The following LEPROTL1 variants were observed in gnomAD, a reference collection of about 807,000 sequenced individuals.
LEPROTL1 encodes the protein leptin receptor overlapping transcript like 1, also known as leptin receptor overlapping transcript-like 1.
LEPROTL1 carries 6 observed loss-of-function variants against 15.4 expected under a neutral mutation model. The observed-to-expected ratio is 0.39, with a 90% CI of 0.21 to 0.77. The LOEUF (loss-of-function observed/expected upper bound fraction) is 0.77, where lower values mean the gene tolerates loss of function less well. Ranked by LOEUF, LEPROTL1 falls within the 30% of genes least tolerant of loss-of-function variation. The probability of loss-of-function intolerance (pLI) is 0.41; values close to 1 mark genes in which losing one functional copy is unlikely to be tolerated. For missense variants in LEPROTL1, 128 were observed against 158.1 expected, an observed-to-expected ratio of 0.81 and a Z score of 1.02; for synonymous variants, 56 against 52.6, an observed-to-expected ratio of 1.06 and a Z score of -0.28.
At chr8:30,100,329 G>A (rs962852459) in intron 1 of LEPROTL1, among the ~76,000 whole-genome samples, 5 of 152,036 alleles carry the variant, frequency 3.3e-5, no homozygotes, top group African/African-American at 1.2e-4. Context: ...CAAATCTTTC[G>A]AATTTTAACT....
intron 1 of LEPROTL1, among the ~76,000 whole-genome samples, chr8:30,099,946 C>T (rs1231205723): frequency 6.6e-6 from 1 of 152,182 alleles, no homozygotes. Flanking sequence ...GTGGGCAGGG[C>T]CCGGTCATGA....
At chr8:30,112,305 G>A (rs554883084), downstream of LEPROTL1, among the ~76,000 whole-genome samples, 12 of 149,916 alleles carry the variant, frequency 8.0e-5, no homozygotes, top group South Asian at 4.2e-4. Context: ...GTGTGATCTC[G>A]GCTCACTGCA....
intron 1 of LEPROTL1, chr8:30,095,834 C>G (rs981476934): frequency 2.9e-6 from 2 of 701,720 alleles, no homozygotes; most frequent in Non-Finnish European, 5.2e-6. Context: ...TGAGGAGTCC[C>G]GTCGCGACTT....
At chr8:30,116,252 T>A (rs1468630108) in intron 3 of LEPROTL1, among the ~76,000 whole-genome samples, 1 of 151,446 alleles carries the variant, frequency 6.6e-6, no homozygotes, top group Non-Finnish European at 1.5e-5. Context: ...AAAAAAAAAA[T>A]TGGTTGCTAC....
intron 3 of LEPROTL1, among the ~76,000 whole-genome samples, chr8:30,127,710 A>G (rs1263328610): frequency 1.4e-5 from 2 of 148,086 alleles, no homozygotes; most frequent in South Asian, 2.1e-4. Context: ...ACACACGTAT[A>G]TGTATTCTGC....
intron 3 of LEPROTL1, among the ~76,000 whole-genome samples, chr8:30,129,581 C>T (rs546133787): frequency 5.3e-5 from 8 of 151,856 alleles, no homozygotes; most frequent in South Asian, 4.2e-4. Flanking sequence ...GGCATGTGCC[C>T]GTAGTCCCAG....
chr8:30,133,765 C>T (rs1390740088), intron 4 of LEPROTL1, among the ~76,000 whole-genome samples: 2 of 130,118 alleles, frequency 1.5e-5, no homozygotes, highest in African/African-American at 5.8e-5. Flanking sequence ...CTCCAGCCTA[C>T]ACATCCAAGT....
At chr8:30,137,269 T>C (rs1353843604) in intron 4 of LEPROTL1, 3 of 1,550,848 alleles carry the variant, frequency 1.9e-6, no homozygotes, top group South Asian at 1.2e-5. Flanking sequence ...TTCTGTTTTC[T>C]AGATGGGGCG....
In LEPROTL1 at chr8:30,124,032, G is replaced by A. The variant is rs529927372; in HGVS notation, c.280-8343G>A. Among the ~76,000 whole-genome samples the A allele has an allele frequency of 4.0e-5, 6 of 151,658 alleles. No individual in the cohort carries two copies. In the South Asian group the frequency reaches 1.3e-3, roughly 32 times the overall value. On this transcript the variant is annotated intron_variant, in intron 3 of 4. Transcript: ENST00000442880. ...GCAAGGCCATTGTACCTGGAGTGCA[G>A]TGAAGAAGAAACTACCAAAACACAA...
intron 1 of LEPROTL1, among the ~76,000 whole-genome samples, chr8:30,097,642 A>G (rs1452093277): frequency 7.1e-6 from 1 of 141,790 alleles, no homozygotes; most frequent in Non-Finnish European, 1.5e-5. Context: ...ACTGCACTCC[A>G]GCCTGGGCAA....
downstream of LEPROTL1, chr8:30,108,651 T>G (rs991445405): frequency 6.6e-6 from 1 of 152,042 alleles, no homozygotes; most frequent in South Asian, 2.1e-4. Flanking sequence ...AGATTTTTTT[T>G]TTTTTTTTGA....
intron 1 of LEPROTL1, among the ~76,000 whole-genome samples, chr8:30,098,054 G>A (rs905143685): frequency 3.3e-5 from 5 of 152,142 alleles, no homozygotes; most frequent in Non-Finnish European, 5.9e-5. Flanking sequence ...TGCCTCTTGC[G>A]GAGATTACCG....
downstream of LEPROTL1, among the ~76,000 whole-genome samples, chr8:30,111,074 A>C (rs371952260): frequency 1.2e-4 from 19 of 152,332 alleles, no homozygotes; most frequent in East Asian, 3.1e-3. Context: ...TATGTCATCT[A>C]TTTGAAGATT....
In LEPROTL1 at chr8:30,113,815, A is replaced by G. The variant is rs548142317; in HGVS notation, c.279+9329A>G. On this transcript the variant is annotated intron_variant, in intron 3 of 4. Coordinates refer to the LEPROTL1 transcript ENST00000442880. ...CTGGCCGTCCAGCCAGGGGGTCTCCATGCAAAGAGGATCACCCAACAGTGC... is the reference window on the plus strand; with the variant it reads ...CTGGCCGTCCAGCCAGGGGGTCTCCGTGCAAAGAGGATCACCCAACAGTGC... 2.6e-5 allele frequency among the ~76,000 whole-genome samples: 4 copies of G among 152,280 alleles called. No homozygotes were observed. The South Asian group carries it at 8.3e-4, about 32-fold the overall frequency.
chr8:30,128,056 C>T (rs944319153), intron 3 of LEPROTL1, among the ~76,000 whole-genome samples: 1 of 151,980 alleles, frequency 6.6e-6, no homozygotes, highest in African/African-American at 2.4e-5. Flanking sequence ...GAGTTAAGAT[C>T]TAACAAAAAA....
chr8:30,095,905 A>G (rs1340308139), intron 1 of LEPROTL1: 5 of 697,478 alleles, frequency 7.2e-6, no homozygotes, highest in Non-Finnish European at 2.6e-6. Flanking sequence ...AGAGCGTGGG[A>G]TTGAGAAGGC....
At chr8:30,122,965 C>T (rs1802851452) in intron 3 of LEPROTL1, among the ~76,000 whole-genome samples, 1 of 152,116 alleles carries the variant, frequency 6.6e-6, no homozygotes, top group African/African-American at 2.4e-5. Flanking sequence ...TAATTTGGTC[C>T]TGTCTTAACA....
chr8:30,102,548 A>T (rs1802485887), intron 2 of LEPROTL1, among the ~76,000 whole-genome samples: 1 of 151,732 alleles, frequency 6.6e-6, no homozygotes, highest in Admixed American at 6.6e-5. Flanking sequence ...GGTACTCGGG[A>T]GGCTGAGGCA....
intron 1 of LEPROTL1, 64 bp from the exon 2 acceptor site, chr8:30,101,834 T>G: frequency 1.0e-6 from 1 of 974,696 alleles, no homozygotes. Flanking sequence ...ATGTTCAGAC[T>G]GCTGATATTA....
Sources: allele counts gnomAD v4.1 joint callset (sites outside exome capture counted in the v4.1 genomes callset), GRCh38; gene constraint gnomAD v4.1.1; transcripts MANE v1.5; gene names NCBI Gene and HGNC (gene_info 2026-07-23, HGNC 2026-07-21).